The following RMDN3 variants were observed in gnomAD, a reference collection of about 807,000 sequenced individuals.
The protein encoded by RMDN3 is regulator of microtubule dynamics 3.
A neutral mutation model predicts 61.8 loss-of-function variants in RMDN3; 41 were observed. The ratio of observed to expected loss-of-function variants is 0.66; its 90% CI spans 0.52 to 0.86. RMDN3 has a LOEUF of 0.86. Ranked by LOEUF, RMDN3 falls within the 40% of genes least tolerant of loss-of-function variation. The pLI, the probability that RMDN3 is intolerant of heterozygous loss-of-function variation, is 0.00. For synonymous variants in RMDN3, 247 were observed against 232.0 expected (o/e 1.06, Z -0.59); for missense variants, 557 against 585.3 (o/e 0.95, Z 0.50).
At chr15:40,737,790 G>A (rs1056465315) in intron 9 of RMDN3, 64 bp from the exon 10 acceptor site, 5 of 1,548,066 alleles carry the variant, frequency 3.2e-6, no homozygotes, top group Non-Finnish European at 4.4e-6. Context: ...TTAAATCTTT[G>A]GGGATATATT....
intron 6 of RMDN3, among the ~76,000 whole-genome samples, chr15:40,741,051 T>A (rs1404507430): frequency 2.0e-5 from 3 of 151,090 alleles, no homozygotes; most frequent in Non-Finnish European, 2.9e-5. Context: ...ACCACTGCAC[T>A]CCAGCCTGGG....
chr15:40,744,940 G>T, intron 5 of RMDN3, 37 bp downstream of exon 5: 1 of 1,547,326 alleles, frequency 6.5e-7, no homozygotes, highest in East Asian at 2.3e-5. Context: ...TGGAGGGAGG[G>T]AGGGAAGGAG....
At chr15:40,748,997 G>A (rs1393499510) in intron 4 of RMDN3, among the ~76,000 whole-genome samples, 1 of 151,684 alleles carries the variant, frequency 6.6e-6, no homozygotes, top group African/African-American at 2.4e-5. Flanking sequence ...TCCACCTCCT[G>A]GGTTCAAGTG....
In RMDN3 at chr15:40,754,108, G is replaced by A. The variant is rs529705177; in HGVS notation, c.187+489C>T. ...CTTTCTTGTGAGTACAGGCGAAAGA[G>A]TAGAGAAAACCACGACTGCTTTTTT... On this transcript the variant is annotated intron_variant, in intron 2 of 12. Transcript: ENST00000338376. Among the ~76,000 whole-genome samples, 31 of 144,006 alleles carry A rather than the reference G, an allele frequency of 2.2e-4. 1 individual carries two copies. The highest frequency in any genetic ancestry group is 7.5e-4 in the African/African-American group (29 of 38,906). The allele number at this position is 144,006 out of a possible 152,430, so 94.5% of individuals were successfully genotyped here.
At chr15:40,750,408 C>T (rs1897771852) in intron 4 of RMDN3, among the ~76,000 whole-genome samples, 1 of 151,620 alleles carries the variant, frequency 6.6e-6, no homozygotes, top group Admixed American at 6.6e-5. Context: ...TTAGTAGAGA[C>T]AGGGTTTCGA....
At position 40,751,913 on chromosome 15, in the gene RMDN3, G is replaced by A. The variant is rs551104467; in HGVS notation, c.380+73C>T. The A allele has an allele frequency of 1.8e-5, 27 of 1,482,150 alleles. No homozygotes were observed. In the East Asian group the frequency reaches 4.8e-4, roughly 26 times the overall value. The allele number at this position is 1,482,150 out of a possible 1,614,324, so 91.8% of individuals were successfully genotyped here. The stretch of plus-strand genomic sequence containing the variant: ...GGTTTATTCTTTAGAGACAGACAGC[G>A]AAGGCCAGAACACACCCCAGCTGAA... On this transcript the variant is annotated intron_variant, in intron 3 of 12. Coordinates refer to ENST00000338376, the MANE Select transcript of RMDN3 (RefSeq NM_018145.3).
At chr15:40,741,986 A>C (rs1897303020) in intron 6 of RMDN3, among the ~76,000 whole-genome samples, 1 of 151,754 alleles carries the variant, frequency 6.6e-6, no homozygotes, top group Admixed American at 6.6e-5. Context: ...AACAAATGTA[A>C]TGCATTGAGG....
intron 3 of RMDN3, 180 bp from the exon 4 acceptor site, chr15:40,751,749 C>T: frequency 1.1e-6 from 1 of 950,688 alleles, no homozygotes; most frequent in African/African-American, 1.6e-5. Flanking sequence ...CCCGCACAGA[C>T]AGACTAGGTT....
chr15:40,741,024 C>G (rs778173087), intron 6 of RMDN3, among the ~76,000 whole-genome samples: 2 of 151,852 alleles, frequency 1.3e-5, no homozygotes, highest in African/African-American at 4.8e-5. Context: ...GCAGAAGTTG[C>G]AACGAGCCAA....
intron 6 of RMDN3, among the ~76,000 whole-genome samples, chr15:40,743,772 A>T (rs974974738): frequency 6.6e-6 from 1 of 152,274 alleles, no homozygotes; most frequent in Non-Finnish European, 1.5e-5. Flanking sequence ...CTGTGGCTAG[A>T]GTGAGAAAAA....
intron 9 of RMDN3, 73 bp from the exon 10 acceptor site, chr15:40,737,799 T>C (rs1454115162): frequency 2.0e-6 from 3 of 1,531,716 alleles, no homozygotes; most frequent in Non-Finnish European, 2.7e-6. Context: ...TGGGGATATA[T>C]TGAAAATAGG....
Position 40,737,325 on chromosome 15 carries a change from G to A in RMDN3, c.1241C>T (p.Pro414Leu), listed in dbSNP as rs561800012. The stretch of plus-strand genomic sequence containing the variant: ...TACCCTTCCTGCTTTGGAAAATCCT[G>A]GCTGTAGTTCTTCAGCCTGGGAAAA... ...QSFLKAEELQPGFSKAGRVYI... is the reference protein window; with the variant it reads ...QSFLKAEELQLGFSKAGRVYI... Residue 414 changes from proline to leucine, a missense_variant, in exon 11 of 13, where the codon CCA becomes CTA. Pro to Leu is a moderately conservative substitution (Grantham distance 98). Coordinates refer to ENST00000338376, the MANE Select transcript of RMDN3 (RefSeq NM_018145.3). 28 of 1,613,926 alleles carry A rather than the reference G, an allele frequency of 1.7e-5. No homozygotes were observed. The South Asian group carries it at 2.7e-4, about 16-fold the overall frequency.
rs546124940 is a variant in RMDN3, at chr15:40,740,374, C to T, written c.911-181G>A. On this transcript the variant is annotated intron_variant, in intron 6 of 12. Coordinates refer to ENST00000338376, the MANE Select transcript of RMDN3 (RefSeq NM_018145.3). ...CAAAGAAGCCAGTCACAGTGGCTCA[C>T]GCCTCTGTGCTGTGTAATCCCAGCA... is the stretch of plus-strand genomic sequence containing the variant. Among the ~76,000 whole-genome samples, 5 of 152,336 alleles carry T rather than the reference C, an allele frequency of 3.3e-5. No individual in the cohort carries two copies. The South Asian group carries it at 1.0e-3, about 32-fold the overall frequency.
chr15:40,737,903 C>T, intron 9 of RMDN3, 62 bp downstream of exon 9: 1 of 1,576,620 alleles, frequency 6.3e-7, no homozygotes, highest in Non-Finnish European at 8.7e-7. Flanking sequence ...TTCTTCCTGG[C>T]AAGGAAATCG....
chr15:40,741,619 G>GTTTTTTTTTTTTTTTTTTTT (rs1333820266), intron 6 of RMDN3, among the ~76,000 whole-genome samples: 1 of 60,986 alleles, frequency 1.6e-5, no homozygotes, highest in African/African-American at 5.4e-5. Context: ...TGCAACATAG[G>GTTTTTTTTTTTTTTTTTTTT]ATTTTTTTTT....
chr15:40,752,627 CTT>C (rs1311245065), intron 2 of RMDN3, among the ~76,000 whole-genome samples: 1 of 152,108 alleles, frequency 6.6e-6, no homozygotes, highest in Non-Finnish European at 1.5e-5. Context: ...GTAGGGAAAA[CTT>C]GGAGTTTCTC....
chr15:40,748,745 A>G (rs561659174), intron 4 of RMDN3, among the ~76,000 whole-genome samples: 3 of 151,256 alleles, frequency 2.0e-5, no homozygotes, highest in South Asian at 2.1e-4. Context: ...GATTACAGGC[A>G]TGCACCACCA....
At chr15:40,754,438 G>A (rs956512668) in intron 2 of RMDN3, among the ~76,000 whole-genome samples, 159 bp downstream of exon 2, 40 of 152,114 alleles carry the variant, frequency 2.6e-4, no homozygotes, top group African/African-American at 9.7e-4. Context: ...GTGAGCCACC[G>A]CGCCCAGCCC....
At chr15:40,744,500 T>TTGG (rs796535531) in intron 5 of RMDN3, among the ~76,000 whole-genome samples, 4 of 131,362 alleles carry the variant, frequency 3.0e-5, no homozygotes, top group African/African-American at 1.1e-4. Context: ...TTCTAACTTC[T>TTGG]GGGGGGGGGG....
Sources: allele counts gnomAD v4.1 joint callset (sites outside exome capture counted in the v4.1 genomes callset), GRCh38; gene constraint gnomAD v4.1.1; transcripts MANE v1.5; gene names NCBI Gene and HGNC (gene_info 2026-07-23, HGNC 2026-07-21).